HELZ: variants seen among roughly 807,000 people sequenced by gnomAD.
The protein encoded by HELZ is ATP-dependent RNA helicase with zinc finger domain.
In HELZ, 23 loss-of-function variants were observed where a neutral mutation model predicts 218.2. The ratio of observed to expected loss-of-function variants is 0.11; its 90% CI spans 0.08 to 0.15. The LOEUF is 0.15. HELZ is among the 10% of genes least tolerant of loss of function. The pLI, the probability that HELZ is intolerant of heterozygous loss-of-function variation, is 1.00. For synonymous variants in HELZ, 814 were observed against 829.4 expected, an observed-to-expected ratio of 0.98 and a Z score of 0.32; for missense variants, 1,813 against 2,353.7, an observed-to-expected ratio of 0.77 and a Z score of 4.75.
chr17:67,227,879 TG>T (rs1391902208), intron 3 of HELZ, among the ~76,000 whole-genome samples: 1 of 152,248 alleles, frequency 6.6e-6, no homozygotes, highest in Non-Finnish European at 1.5e-5. Flanking sequence ...AATGTAGTTA[TG>T]GTCTTCTTTG....
intron 31 of HELZ, among the ~76,000 whole-genome samples, chr17:67,098,176 A>G (rs554703580): frequency 9.2e-5 from 14 of 152,240 alleles, no homozygotes; most frequent in Non-Finnish European, 2.1e-4. Flanking sequence ...TCATTTTCTA[A>G]GAATAAACCT....
chr17:67,190,546 A>G (rs560127509), intron 9 of HELZ, among the ~76,000 whole-genome samples, 191 bp from the exon 10 acceptor site: 47 of 152,362 alleles, frequency 3.1e-4, no homozygotes, highest in African/African-American at 1.1e-3. Flanking sequence ...TAACCAAAAC[A>G]TCAGCTCCCC....
chr17:67,244,624 TCCG>T, intron 1 of HELZ: 9 of 640,874 alleles, frequency 1.4e-5, no homozygotes, highest in Non-Finnish European at 1.7e-5. Flanking sequence ...CCGAGAGCCC[TCCG>T]CGGGGGAGGG....
chr17:67,181,710 G>GA (rs941498991), intron 12 of HELZ, among the ~76,000 whole-genome samples: 3 of 149,570 alleles, frequency 2.0e-5, no homozygotes, highest in African/African-American at 4.9e-5. Context: ...AAAGAATCTT[G>GA]AAAAAAAAAT....
chr17:67,184,306 T>C (rs2039692118), intron 12 of HELZ, among the ~76,000 whole-genome samples: 2 of 152,226 alleles, frequency 1.3e-5, no homozygotes, highest in African/African-American at 4.8e-5. Context: ...ACCTTCGGTG[T>C]TATTATTAAT....
At chr17:67,199,202 T>C (rs2040104769) in intron 7 of HELZ, among the ~76,000 whole-genome samples, 1 of 149,020 alleles carries the variant, frequency 6.7e-6, no homozygotes, top group Non-Finnish European at 1.5e-5. Context: ...ATTGCGATTT[T>C]GCCATTACTT....
At chr17:67,198,348 C>T (rs2040084723) in intron 7 of HELZ, among the ~76,000 whole-genome samples, 1 of 152,216 alleles carries the variant, frequency 6.6e-6, no homozygotes, top group African/African-American at 2.4e-5. Context: ...AGCTCTAGGT[C>T]TCCTGGGGAT....
At chr17:67,150,020 T>C (rs368459265) in intron 18 of HELZ, 35 bp from the exon 19 acceptor site, 141 of 1,272,646 alleles carry the variant, frequency 1.1e-4, no homozygotes, top group Non-Finnish European at 1.5e-4. Flanking sequence ...GATAGCACGC[T>C]AGAGCAGCAA....
In HELZ at chr17:67,070,616, T is replaced by A. The variant is rs1414259317; in HGVS notation, c.*7636A>T. 1 of 151,808 alleles carries A rather than the reference T, an allele frequency of 6.6e-6. No individual in the cohort carries two copies. The highest frequency in any genetic ancestry group is 1.5e-5 in the Non-Finnish European group (1 of 67,930). The allele number at this position is 151,808 out of a possible 1,614,324, so 9.4% of individuals were successfully genotyped here. ...ATGGAACCAAAGTAGCTAACGTAAT[T>A]CCAAAACTAAGTTAGAAAAGATAAA... On this transcript the variant is annotated 3_prime_UTR_variant, in exon 33 of 33. Transcript: ENST00000358691.
In HELZ at chr17:67,122,956, G is replaced by T; in HGVS notation, c.3630+14C>A. On this transcript the variant is annotated intron_variant, in intron 26 of 32. Coordinates refer to ENST00000358691, the MANE Select transcript of HELZ (RefSeq NM_014877.4). ...TACTTGATTCAATAGAAAGTATTTC[G>T]AATGTCCACTTACAGGTAAAGGCAC... 6.4e-7 allele frequency: 1 copy of T among 1,560,350 alleles called. No individual in the cohort carries two copies. Among genetic ancestry groups the T allele is most frequent in the Non-Finnish European group, 8.8e-7 (1 of 1,137,292 alleles).
At chr17:67,236,316 C>A (rs1377197691) in intron 3 of HELZ, among the ~76,000 whole-genome samples, 1 of 152,138 alleles carries the variant, frequency 6.6e-6, no homozygotes, top group Non-Finnish European at 1.5e-5. Flanking sequence ...ATCCATATAT[C>A]TGTTAGGAGC....
intron 13 of HELZ, among the ~76,000 whole-genome samples, chr17:67,169,285 G>C (rs1567859838): frequency 6.6e-6 from 1 of 152,104 alleles, no homozygotes; most frequent in Non-Finnish European, 1.5e-5. Context: ...ACCTGAGACT[G>C]GATAATTTAT....
intron 7 of HELZ, among the ~76,000 whole-genome samples, chr17:67,197,741 A>T (rs1419882007): frequency 6.6e-6 from 1 of 152,152 alleles, no homozygotes; most frequent in Non-Finnish European, 1.5e-5. Context: ...CAATACTATC[A>T]CTATAATTTA....
intron 15 of HELZ, among the ~76,000 whole-genome samples, chr17:67,164,054 T>G (rs2039067424): frequency 6.6e-6 from 1 of 152,212 alleles, no homozygotes; most frequent in Admixed American, 6.5e-5. Flanking sequence ...GCCTTACAAT[T>G]GAAACTTTTC....
intron 3 of HELZ, among the ~76,000 whole-genome samples, chr17:67,239,096 G>A (rs931871448): frequency 1.3e-5 from 2 of 152,094 alleles, no homozygotes; most frequent in Non-Finnish European, 2.9e-5. Context: ...CAAAGTAATC[G>A]CCACTCAAGA....
chr17:67,109,639 A>G lies in HELZ; in HGVS notation c.3966T>C (p.Pro1322=), dbSNP rs956303808. Residue 1322 remains proline, a synonymous_variant, in exon 29 of 33, where the codon CCT becomes CCC. Coordinates refer to ENST00000358691, the MANE Select transcript of HELZ (RefSeq NM_014877.4). ...ATTTGGTACTGGGATAAACAACACT[A>G]GGACGTGATTCAGGACTTCTGTTCT... The part of the protein sequence containing the change: ...NPQNRSPESR[P]SVVYPSTKFP... The G allele has an allele frequency of 6.2e-7, 1 of 1,614,142 alleles. No homozygotes were observed. Among genetic ancestry groups the G allele is most frequent in the Non-Finnish European group, 8.5e-7 (1 of 1,179,988 alleles).
chr17:67,116,705 A>C (rs2037437835), intron 27 of HELZ, among the ~76,000 whole-genome samples: 1 of 152,186 alleles, frequency 6.6e-6, no homozygotes, highest in Non-Finnish European at 1.5e-5. Flanking sequence ...AAGAACTCAC[A>C]GAACTTAGAA....
intron 28 of HELZ, among the ~76,000 whole-genome samples, chr17:67,113,299 G>A (rs1477925256): frequency 2.6e-5 from 4 of 151,962 alleles, no homozygotes; most frequent in Admixed American, 6.5e-5. Flanking sequence ...TCGCTCTGTC[G>A]CCCTGGTTGG....
intron 17 of HELZ, among the ~76,000 whole-genome samples, chr17:67,154,431 A>G (rs2038779614): frequency 6.6e-6 from 1 of 152,180 alleles, no homozygotes; most frequent in Non-Finnish European, 1.5e-5. Context: ...TCTGTCTTAA[A>G]AAAAAATAAT....
Sources: gnomAD v4.1 joint callset for allele counts (sites outside exome capture counted in the v4.1 genomes callset) on GRCh38, gnomAD v4.1.1 for gene constraint, MANE v1.5 for transcripts, NCBI Gene and HGNC (gene_info 2026-07-23, HGNC 2026-07-21) for gene names.